ABLIM2: variants seen among roughly 807,000 people sequenced by gnomAD.
ABLIM2 encodes actin-binding LIM protein 2.
A neutral mutation model predicts 97.7 loss-of-function variants in ABLIM2; 53 were observed. That is an observed-to-expected ratio of 0.54 (90% CI 0.44 to 0.68). ABLIM2 has a LOEUF of 0.68. Ranked by LOEUF, ABLIM2 falls within the 30% of genes least tolerant of loss-of-function variation. ABLIM2 has a pLI of 0.00. For missense variants in ABLIM2, 835 were observed against 867.2 expected, an observed-to-expected ratio of 0.96 and a Z score of 0.47; for synonymous variants, 361 against 345.8, an observed-to-expected ratio of 1.04 and a Z score of -0.49.
intron 1 of ABLIM2, among the ~76,000 whole-genome samples, chr4:8,110,783 C>T (rs566024262): frequency 1.2e-4 from 18 of 152,288 alleles, no homozygotes; most frequent in Middle Eastern, 6.8e-3. Flanking sequence ...ATGGCGGAGG[C>T]GCTGCCCTCT....
chr4:8,007,821 A>G, intron 16 of ABLIM2: 1 of 1,322,370 alleles, frequency 7.6e-7, no homozygotes, highest in Non-Finnish European at 9.6e-7. Context: ...GAAATCTGTG[A>G]GGGGACATGC....
At chr4:8,077,478 G>A (rs928923397) in intron 6 of ABLIM2, 150 bp downstream of exon 6, 3 of 739,826 alleles carry the variant, frequency 4.1e-6, no homozygotes, top group Admixed American at 4.8e-5. Flanking sequence ...GCTGATGAGG[G>A]TGTCCATTGG....
In ABLIM2 at chr4:8,005,240, C is replaced by T. The variant is rs1760366245; in HGVS notation, c.1618+2819G>A. On this transcript the variant is annotated intron_variant, in intron 16 of 20. Transcript: ENST00000447017. The surrounding 1 kb of genome is among the most constrained non-coding windows in gnomAD (Gnocchi z 4.9). Reference sequence around the variant, plus strand: ...GCCTCTCTCAGCTCCCTGCACGCTTCTCCAGGTCAGGGGCTGCTCTTGTCT... The same window carrying T: ...GCCTCTCTCAGCTCCCTGCACGCTTTTCCAGGTCAGGGGCTGCTCTTGTCT... The T allele has an allele frequency of 2.0e-6, 1 of 503,806 alleles. No individual in the cohort carries two copies. The highest frequency in any genetic ancestry group is 1.4e-5 in the South Asian group (1 of 68,972). 31.2% of individuals were successfully genotyped at this position (503,806 alleles called of 1,614,324 possible). A position where few individuals can be genotyped will look rare whatever the true frequency, so the allele number is the denominator to read the frequency against.
At chr4:8,078,679 C>T (rs532800078) in intron 5 of ABLIM2, among the ~76,000 whole-genome samples, 1 of 152,336 alleles carries the variant, frequency 6.6e-6, no homozygotes, top group East Asian at 1.9e-4. Context: ...TGCCACATCC[C>T]AGCTGTGTGA....
chr4:8,133,410 T>C (rs1026851898), intron 1 of ABLIM2, among the ~76,000 whole-genome samples: 11 of 152,020 alleles, frequency 7.2e-5, no homozygotes, highest in African/African-American at 2.4e-4. Flanking sequence ...CCCTGCGGGG[T>C]ATCTCTTCTC....
intron 7 of ABLIM2, among the ~76,000 whole-genome samples, chr4:8,060,454 G>T (rs1802255931): frequency 6.6e-6 from 1 of 152,150 alleles, no homozygotes; most frequent in Non-Finnish European, 1.5e-5. Flanking sequence ...GCTCTGTGGG[G>T]CTGGCTCTTC....
At chr4:8,089,096 C>T (rs1335468094) in intron 3 of ABLIM2, among the ~76,000 whole-genome samples, 1 of 152,188 alleles carries the variant, frequency 6.6e-6, no homozygotes, top group African/African-American at 2.4e-5. Context: ...TACTTGACTA[C>T]TGAGTTTTTT....
At chr4:8,080,943 G>C (rs1296950377) in intron 4 of ABLIM2, 141 bp from the exon 5 acceptor site, 1 of 1,098,970 alleles carries the variant, frequency 9.1e-7, no homozygotes, top group African/African-American at 1.6e-5. Flanking sequence ...GAGTGTGCTT[G>C]GAGGAGTCTC....
chr4:8,014,437 T>C (rs16841570), intron 14 of ABLIM2, among the ~76,000 whole-genome samples: 9,901 of 152,230 alleles, frequency 0.065, 493 homozygotes, highest in East Asian at 0.18. Flanking sequence ...TCACATTGAA[T>C]TGGAATGACA....
intron 17 of ABLIM2, chr4:7,989,341 A>G (rs1746919799): frequency 1.3e-5 from 12 of 928,256 alleles, no homozygotes; most frequent in Non-Finnish European, 1.4e-5. Flanking sequence ...GGCCTCGCAG[A>G]GTGCTGGGAT....
rs1388671853 is a variant in ABLIM2, at chr4:8,150,111, G to A, written c.10+8569C>T. Among the ~76,000 whole-genome samples, 1 of 152,214 alleles carries A rather than the reference G, an allele frequency of 6.6e-6. No individual in the cohort carries two copies. The highest frequency in any genetic ancestry group is 1.5e-5 in the Non-Finnish European group (1 of 68,046). ...GGGCAAAGGGGTTGGAACATCATGA[G>A]GGCATTTGAAACTAGGCTGCCAGGT... On this transcript the variant is annotated intron_variant, in intron 1 of 20. Coordinates refer to ENST00000447017, the MANE Select transcript of ABLIM2 (RefSeq NM_001130083.2). This position sits in a 1 kb window ranked among gnomAD's most constrained non-coding sequence, Gnocchi z 6.3.
chr4:8,158,714 C>T lies in ABLIM2; in HGVS notation c.-25G>A. On this transcript the variant is annotated 5_prime_UTR_variant, in exon 1 of 21. Coordinates refer to ENST00000447017, the MANE Select transcript of ABLIM2 (RefSeq NM_001130083.2). ...TCTCAGCAGCCGCTCGGAGTCGGGG[C>T]GGCCCGGCGCTGCGACAGCCAGACC... 6.9e-7 allele frequency: 1 copy of T among 1,439,992 alleles called. No homozygotes were observed. Among genetic ancestry groups the T allele is most frequent in the Non-Finnish European group, 9.1e-7 (1 of 1,096,380 alleles). 89.2% of individuals were successfully genotyped at this position (1,439,992 alleles called of 1,614,324 possible).
intron 1 of ABLIM2, among the ~76,000 whole-genome samples, chr4:8,145,751 C>T (rs1218900460): frequency 0.016 from 1,433 of 92,072 alleles, 23 homozygotes; most frequent in South Asian, 0.096. Context: ...CTCATACACA[C>T]ACACACACAC....
chr4:7,995,464 G>C (rs541094334), intron 16 of ABLIM2, among the ~76,000 whole-genome samples: 73 of 152,328 alleles, frequency 4.8e-4, no homozygotes, highest in African/African-American at 1.7e-3. Flanking sequence ...CTGCCCACCC[G>C]CTCTCTCCGG....
chr4:8,092,989 C>T (rs1431180154), intron 3 of ABLIM2, among the ~76,000 whole-genome samples: 2 of 152,126 alleles, frequency 1.3e-5, no homozygotes, highest in African/African-American at 2.4e-5. Context: ...GCTGGGATTA[C>T]AGGCGCCCAC....
intron 3 of ABLIM2, among the ~76,000 whole-genome samples, chr4:8,092,318 T>C (rs1263571247): frequency 6.6e-6 from 1 of 152,034 alleles, no homozygotes; most frequent in African/African-American, 2.4e-5. Context: ...TGTTCTTTAG[T>C]GAAGTGTGAA....
intron 9 of ABLIM2, chr4:8,041,409 G>A (rs1295554315): frequency 1.3e-5 from 2 of 152,196 alleles, no homozygotes; most frequent in African/African-American, 2.4e-5. Context: ...TTACAGCACT[G>A]AGCAGCAGGG....
chr4:8,090,125 C>T lies in ABLIM2; in HGVS notation c.339-1841G>A, dbSNP rs191829683. 9.5e-3 allele frequency among the ~76,000 whole-genome samples: 1,447 copies of T among 152,316 alleles called. 57 individuals are homozygous for T. The highest frequency in any genetic ancestry group is 0.069 in the East Asian group (358 of 5,184). On this transcript the variant is annotated intron_variant, in intron 3 of 20. Transcript: ENST00000447017. ...GAGCTGAACCCAGGGCCCTCCCCTC[C>T]CATCCACTGCCCAGGAGCCTGCACG...
chr4:8,106,549 G>T lies in ABLIM2; in HGVS notation c.99C>A (p.Gly33=). 1.2e-6 allele frequency: 2 copies of T among 1,606,742 alleles called. No individual in the cohort carries two copies. The highest frequency in any genetic ancestry group is 8.5e-7 in the Non-Finnish European group (1 of 1,176,952). ...LCNTCGNVCK[G]EVLRVQDKYF... is the part of the protein sequence containing the mutation. ...ACTTGTCCTGCACCCGCAGCACCTC[G>T]CCCTTGCACACATTCCCACACGTGT... The change falls in exon 2 of 21, where the codon GGC becomes GGA. Residue 33 remains glycine (G), a synonymous_variant. Transcript: ENST00000447017.
Sources: allele counts gnomAD v4.1 joint callset (sites outside exome capture counted in the v4.1 genomes callset), GRCh38; gene constraint gnomAD v4.1.1; non-coding constraint Gnocchi (gnomAD v3.1); transcripts MANE v1.5; gene names NCBI Gene and HGNC (gene_info 2026-07-23, HGNC 2026-07-21).